AGAP1: variants seen among roughly 807,000 people sequenced by gnomAD.
The protein encoded by AGAP1 is ArfGAP with GTPase domain, ankyrin repeat and PH domain 1, also known as arf-GAP with GTPase, ANK repeat and PH domain-containing protein 1.
Under a neutral mutation model 105.3 loss-of-function variants are expected in AGAP1, and 29 were observed. The observed-to-expected ratio is 0.28, with a 90% CI of 0.21 to 0.38. The LOEUF (loss-of-function observed/expected upper bound fraction) is 0.38. Among genes scored for constraint, AGAP1 ranks in the 10% least tolerant of loss-of-function variants. The probability of loss-of-function intolerance (pLI) is 1.00; values close to 1 mark genes in which losing one functional copy is unlikely to be tolerated. For synonymous variants in AGAP1, 509 were observed against 485.9 expected, an observed-to-expected ratio of 1.05 and a Z score of -0.63; for missense variants, 998 against 1,165.1, an observed-to-expected ratio of 0.86 and a Z score of 2.09.
chr2:235,718,094 T>A (rs1951209105), intron 3 of AGAP1, among the ~76,000 whole-genome samples: 1 of 152,194 alleles, frequency 6.6e-6, no homozygotes, highest in Admixed American at 6.5e-5. Context: ...GTTTCCCCCC[T>A]TATATTATAA....
intron 13 of AGAP1, among the ~76,000 whole-genome samples, chr2:236,010,066 GTTAAGT>G (rs1342493499): frequency 6.6e-6 from 1 of 150,960 alleles, no homozygotes; most frequent in African/African-American, 2.4e-5. Context: ...GAAGTGTTCA[GTTAAGT>G]TTAAGTCTCA....
At chr2:235,834,092 G>C (rs1412448308) in intron 9 of AGAP1, among the ~76,000 whole-genome samples, 1 of 151,492 alleles carries the variant, frequency 6.6e-6, no homozygotes. Flanking sequence ...TGCAGTCCAC[G>C]GGCACACTGA....
At chr2:235,644,073 C>A (rs1401057878) in intron 1 of AGAP1, among the ~76,000 whole-genome samples, 1 of 152,136 alleles carries the variant, frequency 6.6e-6, no homozygotes, top group African/African-American at 2.4e-5. Context: ...TGCAAAGCAG[C>A]CTTCACGTTC....
At chr2:235,848,582 T>C (rs1381963253) in intron 9 of AGAP1, among the ~76,000 whole-genome samples, 1 of 152,218 alleles carries the variant, frequency 6.6e-6, no homozygotes, top group African/African-American at 2.4e-5. Flanking sequence ...AGATCATTAC[T>C]CTCGAGAATA....
intron 1 of AGAP1, among the ~76,000 whole-genome samples, chr2:235,595,636 C>T (rs767650754): frequency 1.3e-5 from 2 of 152,142 alleles, no homozygotes; most frequent in African/African-American, 4.8e-5. Context: ...GAGTGAGATG[C>T]GTAAACAAAC....
intron 12 of AGAP1, among the ~76,000 whole-genome samples, chr2:235,946,953 T>A (rs1351735127): frequency 6.6e-6 from 1 of 152,202 alleles, no homozygotes; most frequent in Non-Finnish European, 1.5e-5. Context: ...CTTCCCCACC[T>A]TACTTCTGCG....
chr2:235,680,594 G>A (rs1194220433), intron 1 of AGAP1, among the ~76,000 whole-genome samples: 1 of 152,020 alleles, frequency 6.6e-6, no homozygotes, highest in African/African-American at 2.4e-5. Flanking sequence ...CTGGTGTCTT[G>A]TCCTTGGCAG....
intron 13 of AGAP1, among the ~76,000 whole-genome samples, chr2:235,984,409 A>G (rs2055218402): frequency 6.6e-6 from 1 of 151,548 alleles, no homozygotes; most frequent in Non-Finnish European, 1.5e-5. Flanking sequence ...GTATAAACCT[A>G]GGAGTGGAAT....
intron 12 of AGAP1, among the ~76,000 whole-genome samples, chr2:235,944,835 C>T (rs919943922): frequency 6.6e-6 from 1 of 152,110 alleles, no homozygotes; most frequent in African/African-American, 2.4e-5. Context: ...GCTGCGGCAT[C>T]GATTCTGACC....
chr2:235,627,256 G>A (rs1291123520), intron 1 of AGAP1, among the ~76,000 whole-genome samples: 3 of 141,562 alleles, frequency 2.1e-5, no homozygotes, highest in South Asian at 4.5e-4. Flanking sequence ...GCAGTGGCGC[G>A]ATCTTGGTTC....
intron 13 of AGAP1, among the ~76,000 whole-genome samples, chr2:235,999,302 ATGGTGATGGTGGTGGTGG>A (rs2055975396): frequency 2.5e-5 from 1 of 39,438 alleles, no homozygotes; most frequent in South Asian, 1.4e-3. Context: ...GGTGGTGGTG[ATGGTGATGGTGGTGGTGG>A]TGGTGGTGGT....
In AGAP1 at chr2:236,042,317, CAA is replaced by C. The variant is rs1436509664; in HGVS notation, c.1891+1479_1891+1480del. On this transcript the variant is annotated intron_variant, in intron 15 of 17. Transcript: ENST00000304032. The surrounding 1 kb of genome is among the most constrained non-coding windows in gnomAD (Gnocchi z 5.6). ...GCAGCATAGCAGGCAGGGGAGAGAT[CAA>C]AAGTCTGTCTGCGGCCTCTCTGGAA... 2.6e-5 allele frequency among the ~76,000 whole-genome samples: 4 copies of C among 152,086 alleles called. No individual in the cohort carries two copies. The highest frequency in any genetic ancestry group is 9.7e-5 in the African/African-American group (4 of 41,416).
In AGAP1 at chr2:236,012,923, T is replaced by A. The variant is rs2125568245; in HGVS notation, c.1646-23638T>A. ...CACCATGCACAGCTAATTTTTGTATTTTTAGTAGAGACGGTGTTTTGCCAT... is the reference window on the plus strand; with the variant it reads ...CACCATGCACAGCTAATTTTTGTATATTTAGTAGAGACGGTGTTTTGCCAT... On this transcript the variant is annotated intron_variant, in intron 13 of 17. Transcript: ENST00000304032. This position sits in a 1 kb window ranked among gnomAD's most constrained non-coding sequence, Gnocchi z 4.9. Among the ~76,000 whole-genome samples the A allele has an allele frequency of 6.6e-6, 1 of 152,246 alleles. No homozygotes were observed. Among genetic ancestry groups the A allele is most frequent in the South Asian group, 2.1e-4 (1 of 4,812 alleles).
At chr2:235,613,834 G>C (rs1042021841) in intron 1 of AGAP1, among the ~76,000 whole-genome samples, 1 of 152,222 alleles carries the variant, frequency 6.6e-6, no homozygotes, top group African/African-American at 2.4e-5. Context: ...GCAGTTCGAG[G>C]AGAGGCTGTA....
rs1958755576 is a variant in AGAP1 at position 235,820,964 on chromosome 2, GTCT to G, written c.1050+13638_1050+13640del. On this transcript the variant is annotated intron_variant, in intron 9 of 17. Coordinates refer to ENST00000304032, the MANE Select transcript of AGAP1 (RefSeq NM_001037131.3). ...TGCTATAGTCCTGAAACTTGACCCA[GTCT>G]TCTTGAAGGGCAATCTAACAGTCAT... is the stretch of plus-strand genomic sequence containing the variant. Among the ~76,000 whole-genome samples the G allele has an allele frequency of 2.6e-5, 4 of 152,324 alleles. 1 individual carries two copies. The South Asian group carries it at 8.3e-4, about 32-fold the overall frequency.
At chr2:235,774,705 A>G (rs1380037072) in intron 6 of AGAP1, among the ~76,000 whole-genome samples, 1 of 152,218 alleles carries the variant, frequency 6.6e-6, no homozygotes, top group African/African-American at 2.4e-5. Context: ...GATTCCAATC[A>G]GAGATTTCAC....
intron 1 of AGAP1, among the ~76,000 whole-genome samples, chr2:235,581,164 G>A (rs912047939): frequency 2.7e-5 from 4 of 149,806 alleles, no homozygotes; most frequent in South Asian, 2.1e-4. Context: ...AAAAAATGCC[G>A]GGCATGGTGG....
rs890229449 is a variant in AGAP1 at position 236,047,242 on chromosome 2, C to T, written c.1892-1817C>T. Among the ~76,000 whole-genome samples the T allele has an allele frequency of 1.6e-4, 25 of 152,228 alleles. 1 individual carries two copies. Among genetic ancestry groups the T allele is most frequent in the Middle Eastern group, 6.8e-3 (2 of 294 alleles). On this transcript the variant is annotated intron_variant, in intron 15 of 17. Transcript: ENST00000304032. ...CAGGCTAGTGACTTTGGTTGTGCTG[C>T]GTCCATGGTCAGGAGGTAGAGGCCT... is the stretch of plus-strand genomic sequence containing the variant.
In AGAP1 at chr2:235,746,377, C is replaced by CTTTTTTTTTTTTTTT. The variant is rs1172393048; in HGVS notation, c.538+1558_538+1572dup. ...GCTTCCTGGAGAGCACCTCCCCCAA[C>CTTTTTTTTTTTTTTT]TTTTTTTTTTTTTTTTTTTTTTTTT... On this transcript the variant is annotated intron_variant, in intron 5 of 17. Coordinates refer to ENST00000304032, the MANE Select transcript of AGAP1 (RefSeq NM_001037131.3). Among the ~76,000 whole-genome samples the CTTTTTTTTTTTTTTT allele has an allele frequency of 1.5e-3, 83 of 55,560 alleles. 17 individuals are homozygous for CTTTTTTTTTTTTTTT. Among genetic ancestry groups the CTTTTTTTTTTTTTTT allele is most frequent in the African/African-American group, 2.4e-3 (30 of 12,474 alleles). 36.4% of individuals were successfully genotyped at this position (55,560 alleles called of 152,430 possible).
Sources: gnomAD v4.1 joint callset for allele counts (sites outside exome capture counted in the v4.1 genomes callset) on GRCh38, gnomAD v4.1.1 for gene constraint, Gnocchi (gnomAD v3.1) non-coding constraint, MANE v1.5 for transcripts, NCBI Gene and HGNC (gene_info 2026-07-23, HGNC 2026-07-21) for gene names.